Variants in MCPH1 observed in about 807,000 individuals in gnomAD.
MCPH1 encodes the protein microcephalin.
MCPH1 carries 104 observed loss-of-function variants against 84.5 expected under a neutral mutation model. The observed-to-expected ratio is 1.23, with a 90% confidence interval of 1.05 to 1.45. The LOEUF is 1.45. Ranked by LOEUF, MCPH1 falls within the 40% of genes most tolerant of loss-of-function variation. The pLI is 0.00. For missense variants in MCPH1, 1,498 were observed against 1,005.7 expected, an observed-to-expected ratio of 1.49 and a Z score of -6.62; for synonymous variants, 514 against 366.8, an observed-to-expected ratio of 1.40 and a Z score of -4.58.
chr8:6,626,386 C>G, intron 13 of MCPH1: 1 of 984,996 alleles, frequency 1.0e-6, no homozygotes, highest in Non-Finnish European at 1.2e-6. Context: ...TCTTTTTTCC[C>G]TGAAACTGTA....
rs185787947 is a variant in MCPH1 at position 6,506,763 on chromosome 8, G to C, written c.2214+6834G>C. Reference sequence around the variant, plus strand: ...ACCAAATAGTAGTCATATTATCTCAGGAACCAGAGGATTGCTTTTTTTTTT... The same window carrying C: ...ACCAAATAGTAGTCATATTATCTCACGAACCAGAGGATTGCTTTTTTTTTT... On this transcript the variant is annotated intron_variant, in intron 12 of 13. Transcript: ENST00000344683. Among the ~76,000 whole-genome samples the C allele has an allele frequency of 3.1e-4, 47 of 151,446 alleles. 1 individual carries two copies. The East Asian group carries it at 8.9e-3, about 29-fold the overall frequency.
intron 12 of MCPH1, among the ~76,000 whole-genome samples, chr8:6,544,535 T>C (rs531198631): frequency 6.6e-6 from 1 of 152,338 alleles, no homozygotes; most frequent in South Asian, 2.1e-4. Context: ...TTCCAAGTCA[T>C]TTTCGGAGAG....
At chr8:6,480,619 T>G (rs1477615923) in intron 10 of MCPH1, 95 bp from the exon 11 acceptor site, 1 of 1,452,152 alleles carries the variant, frequency 6.9e-7, no homozygotes, top group Non-Finnish European at 9.6e-7. Context: ...ATTTTGGCTT[T>G]CTAGTTTTAT....
chr8:6,499,605 C>G, intron 11 of MCPH1: 1 of 384,696 alleles, frequency 2.6e-6, no homozygotes, highest in East Asian at 4.4e-5. Context: ...ATTTAAATAT[C>G]TGACCTCATG....
intron 12 of MCPH1, among the ~76,000 whole-genome samples, chr8:6,526,188 G>A (rs557239067): frequency 5.3e-5 from 8 of 151,202 alleles, no homozygotes; most frequent in South Asian, 2.1e-4. Flanking sequence ...AGGATGCTGC[G>A]GTGGGCAGAA....
chr8:6,513,933 A>T, intron 12 of MCPH1: 1 of 1,246,496 alleles, frequency 8.0e-7, no homozygotes, highest in Non-Finnish European at 1.1e-6. Flanking sequence ...AACATAGAAT[A>T]ACTATCAAAT....
chr8:6,486,633 C>G (rs978692276), intron 11 of MCPH1, among the ~76,000 whole-genome samples: 1 of 152,076 alleles, frequency 6.6e-6, no homozygotes, highest in Admixed American at 6.5e-5. Context: ...CAGTTCACAC[C>G]TCCAGTGTTA....
At chr8:6,510,723 C>T (rs977139038) in intron 12 of MCPH1, among the ~76,000 whole-genome samples, 4 of 152,184 alleles carry the variant, frequency 2.6e-5, no homozygotes, top group African/African-American at 4.8e-5. Context: ...TGGTGCACAC[C>T]TAAACAGAGA....
intron 12 of MCPH1, chr8:6,513,799 C>G (rs749461000): frequency 2.5e-6 from 4 of 1,613,892 alleles, no homozygotes; most frequent in Non-Finnish European, 2.5e-6. Context: ...AGTTGCGAAA[C>G]AAACTCATTT....
At chr8:6,465,129 G>A (rs200288593) in intron 9 of MCPH1, among the ~76,000 whole-genome samples, 3 of 152,322 alleles carry the variant, frequency 2.0e-5, no homozygotes, top group Admixed American at 6.5e-5. Flanking sequence ...CACCGTTTGC[G>A]GGGAGTCAGC....
At chr8:6,616,528 A>C (rs1023262693) in intron 12 of MCPH1, 1 of 152,248 alleles carries the variant, frequency 6.6e-6, no homozygotes, top group Non-Finnish European at 1.5e-5. Flanking sequence ...AGCACAGCCA[A>C]TGTGGTTTAA....
chr8:6,560,828 A>G (rs1456025043), intron 12 of MCPH1, among the ~76,000 whole-genome samples: 1 of 152,218 alleles, frequency 6.6e-6, no homozygotes, highest in East Asian at 1.9e-4. Flanking sequence ...AGCTTTGCTT[A>G]TGGAGTTTCA....
At chr8:6,506,977 A>C (rs1272508489) in intron 12 of MCPH1, among the ~76,000 whole-genome samples, 1 of 151,626 alleles carries the variant, frequency 6.6e-6, no homozygotes, top group Non-Finnish European at 1.5e-5. Context: ...GGCTCATTGC[A>C]AACTCTGTCT....
chr8:6,506,245 A>G (rs1030016770), intron 12 of MCPH1, among the ~76,000 whole-genome samples: 5 of 151,794 alleles, frequency 3.3e-5, no homozygotes, highest in African/African-American at 9.7e-5. Context: ...AGCTTGTCCA[A>G]CTAGAGAAGT....
intron 12 of MCPH1, chr8:6,502,229 C>G (rs1487996277): frequency 2.6e-5 from 4 of 152,036 alleles, no homozygotes; most frequent in Non-Finnish European, 5.9e-5. Flanking sequence ...TCACAAGGCA[C>G]AATTAGGTCT....
At chr8:6,583,662 C>G (rs1444079450) in intron 12 of MCPH1, among the ~76,000 whole-genome samples, 3 of 152,138 alleles carry the variant, frequency 2.0e-5, no homozygotes, top group Non-Finnish European at 4.4e-5. Flanking sequence ...AAGGTGATTG[C>G]AAATGAGGCC....
chr8:6,549,712 G>T (rs905527380), intron 12 of MCPH1, among the ~76,000 whole-genome samples: 1 of 151,972 alleles, frequency 6.6e-6, no homozygotes, highest in African/African-American at 2.4e-5. Flanking sequence ...CATTACACAG[G>T]TGCGCACAGA....
intron 12 of MCPH1, among the ~76,000 whole-genome samples, chr8:6,514,455 C>T (rs146294951): frequency 1.3e-5 from 2 of 152,270 alleles, no homozygotes; most frequent in African/African-American, 4.8e-5. Context: ...TCCCAAAGTG[C>T]TGGGATTACA....
Position 6,613,970 on chromosome 8 carries a change from T to G in MCPH1, c.2215-7484T>G, listed in dbSNP as rs556892637. Among the ~76,000 whole-genome samples, 4 of 152,240 alleles carry G rather than the reference T, an allele frequency of 2.6e-5. No homozygotes were observed. The South Asian group carries it at 8.3e-4, about 32-fold the overall frequency. Reference sequence around the variant, plus strand: ...ATCACCAGAATAGTTAATGGTGTGCTCCGTTCCTATTTCTCTGGTTTTTCT... The same window carrying G: ...ATCACCAGAATAGTTAATGGTGTGCGCCGTTCCTATTTCTCTGGTTTTTCT... On this transcript the variant is annotated intron_variant, in intron 12 of 13. Transcript: ENST00000344683.
Sources: allele counts gnomAD v4.1 joint callset (sites outside exome capture counted in the v4.1 genomes callset), GRCh38; gene constraint gnomAD v4.1.1; transcripts MANE v1.5; gene names NCBI Gene and HGNC (gene_info 2026-07-23, HGNC 2026-07-21).